HAO2: variants seen among roughly 807,000 people sequenced by gnomAD.
The protein encoded by HAO2 is 2-Hydroxyacid oxidase 2.
Under a neutral mutation model 37.4 loss-of-function variants are expected in HAO2, and 42 were observed. The ratio of observed to expected loss-of-function variants is 1.12; its 90% CI spans 0.88 to 1.45. The LOEUF is 1.45. HAO2 is among the 40% of genes most tolerant of loss of function. HAO2 has a pLI of 0.00. For synonymous variants in HAO2, 180 were observed against 162.8 expected, an observed-to-expected ratio of 1.11 and a Z score of -0.81; for missense variants, 476 against 430.2, an observed-to-expected ratio of 1.11 and a Z score of -0.94.
intron 4 of HAO2, chr1:119,385,306 G>C (rs587642384): frequency 2.0e-6 from 2 of 985,310 alleles, no homozygotes; most frequent in East Asian, 2.3e-4. Flanking sequence ...AAGTGTTCTG[G>C]CCAGAGCTGG....
At chr1:119,375,744 AG>A (rs1289836281) in intron 1 of HAO2, among the ~76,000 whole-genome samples, 1 of 152,220 alleles carries the variant, frequency 6.6e-6, no homozygotes, top group Non-Finnish European at 1.5e-5. Flanking sequence ...AAGGCAAAGG[AG>A]GAGCAAAGGC....
chr1:119,386,744 G>A lies in HAO2; in HGVS notation c.684G>A (p.Glu228=), dbSNP rs760892814. ...PIILKGILTK[E]DAELAVKHNV... Reference sequence around the variant, plus strand: ...TCCTGAAAGGGATTTTGACAAAAGAGGATGCAGAGTTAGCTGTGAAGCACA... The same window carrying A: ...TCCTGAAAGGGATTTTGACAAAAGAAGATGCAGAGTTAGCTGTGAAGCACA... Residue 228 remains glutamate, a synonymous_variant, in exon 5 of 8, where the codon GAG becomes GAA. Transcript: ENST00000325945. 2 of 1,613,586 alleles carry A rather than the reference G, an allele frequency of 1.2e-6. No homozygotes were observed. The highest frequency in any genetic ancestry group is 1.7e-6 in the Non-Finnish European group (2 of 1,179,622).
At chr1:119,392,457 TTG>T (rs1351009953) in intron 6 of HAO2, 159 bp from the exon 7 acceptor site, 1 of 713,946 alleles carries the variant, frequency 1.4e-6, no homozygotes, top group Non-Finnish European at 2.4e-6. Flanking sequence ...TCCCCTATCT[TTG>T]TCTCTGTGCT....
At chr1:119,385,761 C>G in intron 4 of HAO2, 1 of 985,272 alleles carries the variant, frequency 1.0e-6, no homozygotes, top group South Asian at 4.7e-5. Context: ...CAGTGGGCAA[C>G]TGTGACACCA....
At chr1:119,393,254 T>A (rs1651054295) in intron 7 of HAO2, among the ~76,000 whole-genome samples, 1 of 152,132 alleles carries the variant, frequency 6.6e-6, no homozygotes, top group African/African-American at 2.4e-5. Context: ...TTCTCCCTTC[T>A]TTTACTTATC....
At chr1:119,371,079 A>G (rs1318117820) in intron 1 of HAO2, among the ~76,000 whole-genome samples, 3 of 152,104 alleles carry the variant, frequency 2.0e-5, no homozygotes, top group Admixed American at 2.0e-4. Flanking sequence ...AATGGCCTGG[A>G]TTTTGTGGGA....
intron 2 of HAO2, among the ~76,000 whole-genome samples, chr1:119,381,600 C>T (rs1649950363): frequency 6.6e-6 from 1 of 152,076 alleles, no homozygotes; most frequent in African/African-American, 2.4e-5. Context: ...GGAGAGAACA[C>T]TCAGGTTTGG....
At chr1:119,373,837 G>A (rs1459075852) in intron 1 of HAO2, among the ~76,000 whole-genome samples, 1 of 152,160 alleles carries the variant, frequency 6.6e-6, no homozygotes, top group African/African-American at 2.4e-5. Context: ...TGGTTGAGGA[G>A]TGGCAGCCTA....
rs1460486852 is a variant in HAO2, at chr1:119,389,148, A to ATGTG, written c.771+2318_771+2319insGTGT. Among the ~76,000 whole-genome samples the ATGTG allele has an allele frequency of 2.4e-3, 152 of 63,748 alleles. 13 individuals are homozygous for ATGTG. Among genetic ancestry groups the ATGTG allele is most frequent in the African/African-American group, 7.5e-3 (147 of 19,646 alleles). The allele number at this position is 63,748 out of a possible 152,430, so 41.8% of individuals were successfully genotyped here. ...GAGTAGTATTTCATCATATATATAT[A>ATGTG]TATATATATATATATATATACACCA... On this transcript the variant is annotated intron_variant, in intron 5 of 7. Transcript: ENST00000325945.
At chr1:119,379,916 C>T (rs1434184482) in intron 1 of HAO2, among the ~76,000 whole-genome samples, 2 of 152,188 alleles carry the variant, frequency 1.3e-5, no homozygotes, top group Non-Finnish European at 1.5e-5. Context: ...CAGCACCTCA[C>T]ATCTCATCTG....
chr1:119,392,053 A>G, intron 5 of HAO2, 57 bp from the exon 6 acceptor site: 1 of 1,495,054 alleles, frequency 6.7e-7, no homozygotes, highest in Non-Finnish European at 9.1e-7. Context: ...TGCCAGGAAG[A>G]CCAAGTCTGA....
chr1:119,372,183 G>T (rs902638831), intron 1 of HAO2, among the ~76,000 whole-genome samples: 11 of 152,174 alleles, frequency 7.2e-5, no homozygotes, highest in African/African-American at 2.2e-4. Flanking sequence ...CAATGTTATT[G>T]TATTGCTGGT....
chr1:119,381,359 G>A, intron 2 of HAO2, 143 bp downstream of exon 2: 2 of 685,528 alleles, frequency 2.9e-6, no homozygotes, highest in Admixed American at 5.0e-5. Context: ...TTGTTGTTTT[G>A]GTTTGTTAGG....
chr1:119,371,127 C>G (rs1570744710), intron 1 of HAO2, among the ~76,000 whole-genome samples: 2 of 152,184 alleles, frequency 1.3e-5, no homozygotes, highest in African/African-American at 4.8e-5. Context: ...TCTGACCATT[C>G]AGAACAGAGA....
At position 119,384,575 on chromosome 1, in the gene HAO2, C is replaced by T. The variant is rs141635699; in HGVS notation, c.284-201C>T. The stretch of plus-strand genomic sequence containing the variant: ...TAGAGGGTTTGTAAGACAGGTTATA[C>T]AGAGGAGAACCCAAAAAGGTTTAGG... On this transcript the variant is annotated intron_variant, in intron 3 of 7. Coordinates refer to ENST00000325945, the MANE Select transcript of HAO2 (RefSeq NM_016527.4). Among the ~76,000 whole-genome samples, 216 of 152,274 alleles carry T rather than the reference C, an allele frequency of 1.4e-3. 1 individual carries two copies. The highest frequency in any genetic ancestry group is 3.4e-3 in the Middle Eastern group (1 of 294).
chr1:119,388,138 C>T (rs893094036), intron 5 of HAO2, among the ~76,000 whole-genome samples: 1 of 152,158 alleles, frequency 6.6e-6, no homozygotes, highest in Non-Finnish European at 1.5e-5. Flanking sequence ...ACTGAGCTCT[C>T]TCACCCAACC....
chr1:119,392,505 T>G, intron 6 of HAO2, 113 bp from the exon 7 acceptor site: 1 of 815,994 alleles, frequency 1.2e-6, no homozygotes, highest in Non-Finnish European at 2.2e-6. Flanking sequence ...ACTTCACAGA[T>G]AATCCCCATC....
In HAO2 at chr1:119,382,998, C is replaced by G; in HGVS notation, c.215C>G (p.Pro72Arg). ...TTIQGEEISA[P>R]ICIAPTGFHC... ...ATCCAAGGGGAGGAGATCAGTGCCC[C>G]TATTTGTATCGCACCCACAGGGTTC... The change falls in exon 3 of 8, where the codon CCT becomes CGT. Residue 72 changes from proline (P) to arginine (R), a missense_variant. Physicochemically the swap from Pro to Arg is moderately radical, Grantham distance 103. Transcript: ENST00000325945. 1 of 1,612,938 alleles carries G rather than the reference C, an allele frequency of 6.2e-7. No individual in the cohort carries two copies. The highest frequency in any genetic ancestry group is 8.5e-7 in the Non-Finnish European group (1 of 1,179,152).
chr1:119,382,341 G>A (rs587713990), intron 2 of HAO2, among the ~76,000 whole-genome samples: 1 of 152,288 alleles, frequency 6.6e-6, no homozygotes, highest in South Asian at 2.1e-4. Context: ...TATTTAAAAA[G>A]TGTGTTTTGC....
Sources: gnomAD v4.1 joint callset for allele counts (sites outside exome capture counted in the v4.1 genomes callset) on GRCh38, gnomAD v4.1.1 for gene constraint, MANE v1.5 for transcripts, NCBI Gene and HGNC (gene_info 2026-07-23, HGNC 2026-07-21) for gene names.